Variants in APELA observed in about 807,000 individuals in gnomAD.
APELA encodes apelin receptor early endogenous ligand, also known as protein Elabela.
chr4:164,879,775 T>C (rs1730624792), intron 2 of APELA, among the ~76,000 whole-genome samples: 1 of 151,840 alleles, frequency 6.6e-6, no homozygotes, highest in South Asian at 2.1e-4. Context: ...GCCCTCAGGG[T>C]TTATTTATTT....
Position 164,882,708 on chromosome 4 carries a change from T to C in APELA, c.*1+3699T>C, listed in dbSNP as rs557457491. ...TGTGCTGCACCCATTAACTCATCAT[T>C]TAGCATTAGGTATATCTCCTAACGC... On this transcript the variant is annotated intron_variant, in intron 2 of 2. Coordinates refer to ENST00000507152, the MANE Select transcript of APELA (RefSeq NM_001297550.2). Among the ~76,000 whole-genome samples, 7 of 152,196 alleles carry C rather than the reference T, an allele frequency of 4.6e-5. 1 individual carries two copies. The South Asian group carries it at 1.5e-3, about 32-fold the overall frequency.
intron 2 of APELA, among the ~76,000 whole-genome samples, chr4:164,880,508 T>C (rs569390480): frequency 6.6e-6 from 1 of 152,334 alleles, no homozygotes; most frequent in South Asian, 2.1e-4. Context: ...AAATATCCTT[T>C]GGTGTGTGTT....
At chr4:164,878,511 T>G (rs111768198) in intron 1 of APELA, among the ~76,000 whole-genome samples, 2 of 152,240 alleles carry the variant, frequency 1.3e-5, no homozygotes, top group African/African-American at 4.8e-5. Context: ...TCTCATTGTT[T>G]ACAGCAGTCA....
Position 164,883,300 on chromosome 4 carries a change from A to G in APELA, c.*1+4291A>G, listed in dbSNP as rs1378878442. On this transcript the variant is annotated intron_variant, in intron 2 of 2. Coordinates refer to ENST00000507152, the MANE Select transcript of APELA (RefSeq NM_001297550.2). ...CACTTCATATTCCTATTCAACTATT[A>G]TTTCAAACTAATAACCTCTAGTTTC... Among the ~76,000 whole-genome samples the G allele has an allele frequency of 2.0e-5, 3 of 152,078 alleles. No individual in the cohort carries two copies. In the East Asian group the frequency reaches 5.8e-4, roughly 29 times the overall value.
At chr4:164,892,687 G>A (rs985911067) in intron 2 of APELA, among the ~76,000 whole-genome samples, 1 of 152,134 alleles carries the variant, frequency 6.6e-6, no homozygotes, top group African/African-American at 2.4e-5. Flanking sequence ...GGGGAAAATT[G>A]ATACTAATTA....
rs1025671688 is a variant in APELA at position 164,897,326 on chromosome 4, A to G, written c.*1912A>G. On this transcript the variant is annotated 3_prime_UTR_variant, in exon 3 of 3. Transcript: ENST00000507152. ...CTATTCTCAGTTATATTTATGTTTA[A>G]AACATGTACTGGTTTGTATATTTTG... 4 of 152,254 alleles carry G rather than the reference A, an allele frequency of 2.6e-5. No homozygotes were observed. The highest frequency in any genetic ancestry group is 7.2e-5 in the African/African-American group (3 of 41,464). The allele number at this position is 152,254 out of a possible 1,614,324, so 9.4% of individuals were successfully genotyped here.
intron 2 of APELA, chr4:164,879,264 A>G: frequency 3.1e-6 from 1 of 319,040 alleles, no homozygotes; most frequent in Non-Finnish European, 5.7e-6. Flanking sequence ...TCTGAGTAAC[A>G]GCTATTTGGG....
At chr4:164,880,773 A>G (rs1730640702) in intron 2 of APELA, among the ~76,000 whole-genome samples, 1 of 152,232 alleles carries the variant, frequency 6.6e-6, no homozygotes, top group Admixed American at 6.5e-5. Flanking sequence ...GTTACAAGTA[A>G]GCATGAATAG....
At chr4:164,892,567 G>A (rs1478303607) in intron 2 of APELA, among the ~76,000 whole-genome samples, 2 of 152,134 alleles carry the variant, frequency 1.3e-5, no homozygotes, top group East Asian at 1.9e-4. Flanking sequence ...ACATTCATAA[G>A]AAATATTGGT....
intron 2 of APELA, among the ~76,000 whole-genome samples, chr4:164,881,407 T>G (rs1404512583): frequency 6.6e-6 from 1 of 152,232 alleles, no homozygotes; most frequent in Non-Finnish European, 1.5e-5. Context: ...GCTCTTTTAA[T>G]AGAAATGTCA....
intron 2 of APELA, among the ~76,000 whole-genome samples, chr4:164,886,308 G>A (rs73871527): frequency 0.02 from 3,040 of 152,236 alleles, 89 homozygotes; most frequent in African/African-American, 0.069. Flanking sequence ...ATGCTTGGAG[G>A]AAATCCCTAA....
At chr4:164,878,135 G>GA (rs75632850) in intron 1 of APELA, among the ~76,000 whole-genome samples, 15,652 of 112,050 alleles carry the variant, frequency 0.14, 939 homozygotes, top group Middle Eastern at 0.2. Flanking sequence ...CAGTAAGTTT[G>GA]AAAAAAAAAA....
intron 2 of APELA, among the ~76,000 whole-genome samples, chr4:164,892,344 C>A (rs1730898704): frequency 6.6e-6 from 1 of 151,954 alleles, no homozygotes; most frequent in Non-Finnish European, 1.5e-5. Flanking sequence ...ATACAGAAAA[C>A]CAAATATATA....
intron 1 of APELA, among the ~76,000 whole-genome samples, chr4:164,877,834 A>C (rs12500546): frequency 6.6e-6 from 1 of 151,938 alleles, no homozygotes; most frequent in Non-Finnish European, 1.5e-5. Context: ...ACATACAAAA[A>C]GCATAATGCA....
chr4:164,878,449 A>G (rs1579105585), intron 1 of APELA, among the ~76,000 whole-genome samples: 2 of 152,182 alleles, frequency 1.3e-5, no homozygotes, highest in East Asian at 3.9e-4. Flanking sequence ...GCTTTTACAT[A>G]AGTAAGAAAA....
chr4:164,880,896 C>A (rs1730642195), intron 2 of APELA, among the ~76,000 whole-genome samples: 1 of 152,172 alleles, frequency 6.6e-6, no homozygotes, highest in Admixed American at 6.5e-5. Flanking sequence ...CAACTCTTTA[C>A]AAAAGTTGGC....
Position 164,877,288 on chromosome 4 carries a change from G to A in APELA, c.-44G>A. The A allele has an allele frequency of 2.5e-6, 1 of 398,856 alleles. No individual in the cohort carries two copies. Among genetic ancestry groups the A allele is most frequent in the Non-Finnish European group, 4.4e-6 (1 of 225,916 alleles). 24.7% of individuals were successfully genotyped at this position (398,856 alleles called of 1,614,324 possible). On this transcript the variant is annotated 5_prime_UTR_variant, in exon 1 of 3. Transcript: ENST00000507152. ...TGCACAGACTATTTACAGATCGTTT[G>A]GTTTACATTGAGAGTCATTGCTCTA...
intron 2 of APELA, among the ~76,000 whole-genome samples, chr4:164,881,957 T>C (rs1730661577): frequency 6.6e-6 from 1 of 151,644 alleles, no homozygotes; most frequent in African/African-American, 2.4e-5. Flanking sequence ...CCAGGGAGGA[T>C]CATTTGAGCC....
At chr4:164,879,298 T>C (rs1402664153) in intron 2 of APELA, 1 of 256,354 alleles carries the variant, frequency 3.9e-6, no homozygotes, top group African/African-American at 2.2e-5. Flanking sequence ...GCGGATGTTA[T>C]GCAGAACGAG....
Sources: allele counts gnomAD v4.1 joint callset (sites outside exome capture counted in the v4.1 genomes callset), GRCh38; gene constraint gnomAD v4.1.1; transcripts MANE v1.5; gene names NCBI Gene and HGNC (gene_info 2026-07-23, HGNC 2026-07-21).